Variants in EBF1 observed in about 807,000 individuals in gnomAD.
EBF1 encodes the protein EBF transcription factor 1, also known as transcription factor COE1.
EBF1 carries 10 observed loss-of-function variants against 68.4 expected under a neutral mutation model. The observed-to-expected ratio is 0.15, with a 90% confidence interval of 0.09 to 0.25. The LOEUF (loss-of-function observed/expected upper bound fraction) is 0.25, where lower values mean the gene tolerates loss of function less well. Among genes scored for constraint, EBF1 ranks in the 10% least tolerant of loss-of-function variants. The probability of loss-of-function intolerance (pLI) is 1.00; values close to 1 mark genes in which losing one functional copy is unlikely to be tolerated. For missense variants in EBF1, 509 were observed against 794.4 expected (o/e 0.64, Z 4.32); for synonymous variants, 298 against 299.8 (o/e 0.99, Z 0.06).
intron 5 of EBF1, among the ~76,000 whole-genome samples, chr5:159,074,334 C>A (rs540413281): frequency 3.9e-5 from 6 of 152,280 alleles, no homozygotes; most frequent in African/African-American, 1.2e-4. Context: ...CAATGGTCAA[C>A]AGAAAACGAT....
intron 6 of EBF1, among the ~76,000 whole-genome samples, chr5:158,972,964 A>G (rs908131222): frequency 3.9e-5 from 6 of 152,128 alleles, no homozygotes; most frequent in Admixed American, 3.3e-4. Flanking sequence ...TCAAAAGCCA[A>G]CCTATCAGTG....
intron 6 of EBF1, among the ~76,000 whole-genome samples, chr5:159,010,492 C>CA (rs1764446727): frequency 6.6e-6 from 1 of 152,112 alleles, no homozygotes. Flanking sequence ...TACTCCCCCC[C>CA]AGAAGCATGA....
intron 9 of EBF1, 147 bp from the exon 10 acceptor site, chr5:158,777,686 A>G: frequency 1.3e-6 from 1 of 768,472 alleles, no homozygotes. Context: ...TGCGTGAAAG[A>G]CACTGACAAC....
chr5:158,721,333 G>A (rs971884142), intron 11 of EBF1, among the ~76,000 whole-genome samples: 1 of 152,088 alleles, frequency 6.6e-6, no homozygotes, highest in Admixed American at 6.6e-5. Context: ...AGCTAACGCG[G>A]CTATATCAAC....
At position 158,696,631 on chromosome 5, in the gene EBF1, GTTTT is replaced by G. The variant is rs763193534; in HGVS notation, c.*2476_*2479del. On this transcript the variant is annotated 3_prime_UTR_variant, in exon 16 of 16. Coordinates refer to ENST00000313708, the MANE Select transcript of EBF1 (RefSeq NM_024007.5). Reference sequence around the variant, plus strand: ...GCGTCCACCTTGCTTACATTTTCCAGTTTTTTTTATTATTATTAGTCATCATTAT... The same window carrying G: ...GCGTCCACCTTGCTTACATTTTCCAGTTTTATTATTATTAGTCATCATTAT... The G allele has an allele frequency of 1.4e-5, 3 of 214,370 alleles. No homozygotes were observed. The highest frequency in any genetic ancestry group is 4.5e-5 in the African/African-American group (2 of 44,216). 13.3% of individuals were successfully genotyped at this position (214,370 alleles called of 1,614,324 possible).
chr5:158,879,607 C>G (rs1218494099), intron 6 of EBF1, among the ~76,000 whole-genome samples: 1 of 152,084 alleles, frequency 6.6e-6, no homozygotes, highest in Non-Finnish European at 1.5e-5. Context: ...GTGAATAGTG[C>G]CGCAATAAAC....
At chr5:159,072,360 T>C (rs1346690515) in intron 6 of EBF1, among the ~76,000 whole-genome samples, 1 of 152,204 alleles carries the variant, frequency 6.6e-6, no homozygotes, top group Non-Finnish European at 1.5e-5. Context: ...TTTGTTGTTG[T>C]CATTGTTAAC....
chr5:158,791,315 T>C (rs1778553372), intron 9 of EBF1, among the ~76,000 whole-genome samples: 1 of 116,170 alleles, frequency 8.6e-6, no homozygotes, highest in Admixed American at 9.2e-5. Flanking sequence ...CAAGATTCCA[T>C]CTCAAAAAAA....
At chr5:158,916,179 T>A (rs537859696) in intron 6 of EBF1, among the ~76,000 whole-genome samples, 1 of 152,312 alleles carries the variant, frequency 6.6e-6, no homozygotes, top group East Asian at 1.9e-4. Flanking sequence ...ATGGAAATTA[T>A]CTGTCCAAAG....
At chr5:158,750,006 T>C (rs1173922352) in intron 10 of EBF1, among the ~76,000 whole-genome samples, 1 of 152,222 alleles carries the variant, frequency 6.6e-6, no homozygotes, top group East Asian at 1.9e-4. Flanking sequence ...TTATCTCCCT[T>C]TGGACAATGA....
At chr5:158,835,535 T>C (rs1788565405) in intron 7 of EBF1, among the ~76,000 whole-genome samples, 1 of 152,222 alleles carries the variant, frequency 6.6e-6, no homozygotes, top group South Asian at 2.1e-4. Context: ...TAGGCTCTGC[T>C]AGGACAAATA....
At position 159,087,693 on chromosome 5, in the gene EBF1, C is replaced by T. The variant is rs200129600; in HGVS notation, c.412-2954G>A. Among the ~76,000 whole-genome samples, 13 of 152,198 alleles carry T rather than the reference C, an allele frequency of 8.5e-5. No individual in the cohort carries two copies. In the East Asian group the frequency reaches 2.3e-3, roughly 27 times the overall value. On this transcript the variant is annotated intron_variant, in intron 4 of 15. Coordinates refer to ENST00000313708, the MANE Select transcript of EBF1 (RefSeq NM_024007.5). ...CCCAAACAGCAGATGATACAGACTTCCAGAAATCCTGTGTCACTTCTTTGG... is the reference window on the plus strand; with the variant it reads ...CCCAAACAGCAGATGATACAGACTTTCAGAAATCCTGTGTCACTTCTTTGG...
intron 7 of EBF1, among the ~76,000 whole-genome samples, chr5:158,832,454 A>G (rs1326827184): frequency 6.6e-6 from 1 of 152,238 alleles, no homozygotes; most frequent in African/African-American, 2.4e-5. Flanking sequence ...TGCTTTCAGT[A>G]TAATTAATCA....
In EBF1 at chr5:158,696,965, G is replaced by A. The variant is rs1755873045; in HGVS notation, c.*2146C>T. 5.3e-6 allele frequency: 1 copy of A among 187,570 alleles called. No individual in the cohort carries two copies. The allele number at this position is 187,570 out of a possible 1,614,324, so 11.6% of individuals were successfully genotyped here. ...GTTAGTGATGACTGACAGTTCTGGT[G>A]CACAGTTACAATGTACAAGTGAAAT... On this transcript the variant is annotated 3_prime_UTR_variant, in exon 16 of 16. Transcript: ENST00000313708.
At chr5:159,006,647 T>A (rs1216907960) in intron 6 of EBF1, among the ~76,000 whole-genome samples, 8 of 56,224 alleles carry the variant, frequency 1.4e-4, no homozygotes, top group East Asian at 6.0e-4. Context: ...ATAGCCATGT[T>A]AAAAAAAAAA....
rs565107371 is a variant in EBF1, at chr5:158,794,210, C to T, written c.909+2135G>A. 1.1e-4 allele frequency among the ~76,000 whole-genome samples: 16 copies of T among 152,204 alleles called. No homozygotes were observed. The South Asian group carries it at 3.3e-3, about 32-fold the overall frequency. Reference sequence around the variant, plus strand: ...GCTCCTGGCTGGACCCACCCTGACCCCTGGGACAGAGTGAAGAGGGGCTCC... The same window carrying T: ...GCTCCTGGCTGGACCCACCCTGACCTCTGGGACAGAGTGAAGAGGGGCTCC... On this transcript the variant is annotated intron_variant, in intron 9 of 15. Transcript: ENST00000313708.
At chr5:158,980,938 CTATAA>C (rs1053142738) in intron 6 of EBF1, among the ~76,000 whole-genome samples, 3 of 151,960 alleles carry the variant, frequency 2.0e-5, no homozygotes, top group African/African-American at 7.2e-5. Context: ...AAGGTTAAGG[CTATAA>C]TATAATTGCT....
intron 6 of EBF1, among the ~76,000 whole-genome samples, chr5:158,870,126 T>G (rs532489902): frequency 6.6e-6 from 1 of 152,208 alleles, no homozygotes; most frequent in Admixed American, 6.5e-5. Flanking sequence ...ACAACAGAAG[T>G]GTGCATGCCC....
intron 10 of EBF1, among the ~76,000 whole-genome samples, chr5:158,776,223 G>A (rs915347483): frequency 4.6e-5 from 7 of 151,954 alleles, no homozygotes; most frequent in African/African-American, 1.7e-4. Context: ...AAAACTAATC[G>A]TCAGGCAGGC....
Sources: allele counts gnomAD v4.1 joint callset (sites outside exome capture counted in the v4.1 genomes callset), GRCh38; gene constraint gnomAD v4.1.1; transcripts MANE v1.5; gene names NCBI Gene and HGNC (gene_info 2026-07-23, HGNC 2026-07-21).